Variants in LRP1B observed in about 807,000 individuals in gnomAD.
LRP1B encodes low-density lipoprotein receptor-related protein 1B.
Under a neutral mutation model 556.6 loss-of-function variants are expected in LRP1B, and 217 were observed. The ratio of observed to expected loss-of-function variants is 0.39; its 90% confidence interval spans 0.35 to 0.44. LRP1B has a LOEUF of 0.44. Ranked by LOEUF, LRP1B falls within the 20% of genes least tolerant of loss-of-function variation. The pLI is 1.00. For synonymous variants in LRP1B, 2,047 were observed against 1,865.8 expected (o/e 1.10, Z -2.50); for missense variants, 5,053 against 5,620.8 (o/e 0.90, Z 3.23).
chr2:140,875,639 A>G (rs956240473), intron 25 of LRP1B, among the ~76,000 whole-genome samples: 2 of 152,198 alleles, frequency 1.3e-5, no homozygotes, highest in Non-Finnish European at 2.9e-5. Context: ...TAAAAATCAA[A>G]TTAGAAAGTA....
intron 15 of LRP1B, among the ~76,000 whole-genome samples, chr2:140,995,190 G>T (rs1175446736): frequency 6.6e-6 from 1 of 152,016 alleles, no homozygotes; most frequent in Admixed American, 6.6e-5. Flanking sequence ...ATCAGAGTTT[G>T]TGAGCTCCCC....
At chr2:141,862,945 A>G (rs1698295959) in intron 1 of LRP1B, among the ~76,000 whole-genome samples, 1 of 152,172 alleles carries the variant, frequency 6.6e-6, no homozygotes, top group African/African-American at 2.4e-5. Flanking sequence ...AATAAGCTCT[A>G]TCTAATAGAT....
chr2:140,881,454 T>A (rs1326304419), intron 25 of LRP1B, among the ~76,000 whole-genome samples: 1 of 152,140 alleles, frequency 6.6e-6, no homozygotes, highest in African/African-American at 2.4e-5. Flanking sequence ...ATGATGTTTA[T>A]ATAAACTTTA....
intron 6 of LRP1B, among the ~76,000 whole-genome samples, chr2:141,199,052 C>A (rs1294786460): frequency 6.6e-6 from 1 of 152,008 alleles, no homozygotes. Context: ...CACAGAGAAC[C>A]CAGAGTGATC....
rs1272354922 is a variant in LRP1B at position 140,274,720 on chromosome 2, C to T, written c.12968-122G>A. On this transcript the variant is annotated intron_variant, in intron 84 of 90. Transcript: ENST00000389484. ...TAATAGGTAGATTAATTTACAAAAG[C>T]AGCTTATAATTACACATGAAGTAGA... 8.0e-6 allele frequency: 6 copies of T among 750,894 alleles called. No individual in the cohort carries two copies. In the South Asian group the frequency reaches 1.0e-4, roughly 13 times the overall value. The allele number at this position is 750,894 out of a possible 1,614,324, so 46.5% of individuals were successfully genotyped here.
intron 1 of LRP1B, among the ~76,000 whole-genome samples, chr2:141,889,635 G>A (rs1462924462): frequency 6.6e-6 from 1 of 152,002 alleles, no homozygotes; most frequent in Non-Finnish European, 1.5e-5. Flanking sequence ...TTATCTCCAG[G>A]GTTTCACACA....
chr2:141,063,228 A>T (rs138589624), intron 7 of LRP1B, among the ~76,000 whole-genome samples: 1 of 151,984 alleles, frequency 6.6e-6, no homozygotes, highest in East Asian at 1.9e-4. Flanking sequence ...CCTAGAGTAT[A>T]AAATATTTGA....
rs373622902 is a variant in LRP1B, at chr2:141,595,580, G to A, written c.206-115047C>T. ...GTATAATTTATTTTGTTACTCATAC[G>A]CTATCATTCTTTTATGTAATGTTTT... On this transcript the variant is annotated intron_variant, in intron 2 of 90. Coordinates refer to ENST00000389484, the MANE Select transcript of LRP1B (RefSeq NM_018557.3). Among the ~76,000 whole-genome samples the A allele has an allele frequency of 4.3e-4, 65 of 152,090 alleles. 1 individual carries two copies. The South Asian group carries it at 0.013, about 31-fold the overall frequency.
intron 84 of LRP1B, among the ~76,000 whole-genome samples, chr2:140,290,354 CATAAAGTA>C (rs1683324155): frequency 1.3e-5 from 2 of 151,960 alleles, no homozygotes; most frequent in African/African-American, 4.8e-5. Context: ...AGAAAAGGTA[CATAAAGTA>C]ATGTGCTGCA....
chr2:141,783,649 GCAT>G (rs1444249778), intron 2 of LRP1B, among the ~76,000 whole-genome samples: 4 of 151,684 alleles, frequency 2.6e-5, no homozygotes, highest in African/African-American at 9.7e-5. Flanking sequence ...ACTTTCAGCA[GCAT>G]ATTAAGTAAT....
rs183811024 is a variant in LRP1B, at chr2:142,013,740, A to T, written c.82+116908T>A. Among the ~76,000 whole-genome samples, 315 of 152,222 alleles carry T rather than the reference A, an allele frequency of 2.1e-3. 1 individual carries two copies. Among genetic ancestry groups the T allele is most frequent in the African/African-American group, 7.2e-3 (299 of 41,542 alleles). On this transcript the variant is annotated intron_variant, in intron 1 of 90. Transcript: ENST00000389484. Reference sequence around the variant, plus strand: ...TTGTACTAATATTAATTATAATTTTAAAAAAGTAGGAATATTTGGATTGTA... The same window carrying T: ...TTGTACTAATATTAATTATAATTTTTAAAAAGTAGGAATATTTGGATTGTA...
rs370907646 is a variant in LRP1B, at chr2:140,265,879, T to C, written c.13247+4363A>G. ...GGACTTTTTTATTGTCCAGGGATCA[T>C]TGACACTTTATTTTTAATTTTACTT... On this transcript the variant is annotated intron_variant, in intron 86 of 90. Transcript: ENST00000389484. Among the ~76,000 whole-genome samples the C allele has an allele frequency of 4.6e-5, 7 of 152,154 alleles. No individual in the cohort carries two copies. The East Asian group carries it at 9.7e-4, about 21-fold the overall frequency.
chr2:140,305,800 A>C (rs2105017227), intron 83 of LRP1B, among the ~76,000 whole-genome samples: 1 of 152,156 alleles, frequency 6.6e-6, no homozygotes, highest in East Asian at 1.9e-4. Context: ...TGTCATAAAT[A>C]GCTCTTATTA....
chr2:141,484,784 G>A (rs1683058309), intron 2 of LRP1B, among the ~76,000 whole-genome samples: 1 of 151,972 alleles, frequency 6.6e-6, no homozygotes, highest in Admixed American at 6.6e-5. Flanking sequence ...TGGTGTATAA[G>A]AATGGTTGTG....
At chr2:141,383,253 T>C (rs566943563) in intron 3 of LRP1B, among the ~76,000 whole-genome samples, 1 of 152,292 alleles carries the variant, frequency 6.6e-6, no homozygotes, top group South Asian at 2.1e-4. Flanking sequence ...CCTCCTATAC[T>C]GTTGGTGAGA....
At chr2:140,827,959 G>T (rs1691566441) in intron 31 of LRP1B, among the ~76,000 whole-genome samples, 1 of 131,622 alleles carries the variant, frequency 7.6e-6, no homozygotes, top group Admixed American at 8.0e-5. Context: ...AGAGAGTGGG[G>T]TGACATAGTT....
chr2:140,839,547 C>T (rs1692032110), intron 31 of LRP1B, among the ~76,000 whole-genome samples: 1 of 152,206 alleles, frequency 6.6e-6, no homozygotes, highest in African/African-American at 2.4e-5. Context: ...ACTTCCTGCC[C>T]TCAAACGTCA....
intron 75 of LRP1B, 123 bp downstream of exon 75, chr2:140,356,219 G>T: frequency 1.0e-6 from 1 of 965,150 alleles, no homozygotes; most frequent in Non-Finnish European, 1.6e-6. Flanking sequence ...AAGTGAAATG[G>T]TATCCCGTAG....
intron 2 of LRP1B, among the ~76,000 whole-genome samples, chr2:141,688,530 A>G (rs1330491426): frequency 6.6e-6 from 1 of 151,914 alleles, no homozygotes; most frequent in Non-Finnish European, 1.5e-5. Flanking sequence ...TTGGGGCCAG[A>G]AAGTGTCATT....
Sources: allele counts gnomAD v4.1 joint callset (sites outside exome capture counted in the v4.1 genomes callset), GRCh38; gene constraint gnomAD v4.1.1; transcripts MANE v1.5; gene names NCBI Gene and HGNC (gene_info 2026-07-23, HGNC 2026-07-21).